Variants in PDXDC1 observed in about 807,000 individuals in gnomAD.
PDXDC1 encodes the protein pyridoxal-dependent decarboxylase domain-containing protein 1.
In PDXDC1, 42 loss-of-function variants were observed where a neutral mutation model predicts 100.1. The ratio of observed to expected loss-of-function variants is 0.42; its 90% CI spans 0.33 to 0.54. PDXDC1 has a LOEUF of 0.54. Among genes scored for constraint, PDXDC1 ranks in the 20% least tolerant of loss-of-function variants. The pLI, the probability that PDXDC1 is intolerant of heterozygous loss-of-function variation, is 0.10. For synonymous variants in PDXDC1, 260 were observed against 371.7 expected, an observed-to-expected ratio of 0.70 and a Z score of 3.46; for missense variants, 636 against 979.2, an observed-to-expected ratio of 0.65 and a Z score of 4.68.
At chr16:15,046,786 A>G (rs1265715553) in intron 16 of PDXDC1, among the ~76,000 whole-genome samples, 1 of 151,562 alleles carries the variant, frequency 6.6e-6, no homozygotes, top group Non-Finnish European at 1.5e-5. Flanking sequence ...GAGGTCGGAG[A>G]ATCACCTGAG....
chr16:15,128,077 G>C, intron 16 of PDXDC1: 2 of 1,609,088 alleles, frequency 1.2e-6, no homozygotes, highest in South Asian at 1.1e-5. Flanking sequence ...AGAAGGTGCT[G>C]TGTGCCGTCT....
intron 5 of PDXDC1, among the ~76,000 whole-genome samples, chr16:15,006,172 G>A (rs1290422429): frequency 1.3e-5 from 2 of 152,272 alleles, no homozygotes; most frequent in African/African-American, 4.8e-5. Context: ...TGCTCTTTAT[G>A]GAATTGGGTA....
At chr16:15,022,170 T>C (rs570548657) in intron 12 of PDXDC1, among the ~76,000 whole-genome samples, 18 of 152,402 alleles carry the variant, frequency 1.2e-4, no homozygotes, top group Admixed American at 3.3e-4. Context: ...AAGCACTTCC[T>C]GTATTGCATA....
intron 1 of PDXDC1, among the ~76,000 whole-genome samples, chr16:14,981,794 C>G (rs1168002227): frequency 6.6e-6 from 1 of 152,244 alleles, no homozygotes; most frequent in African/African-American, 2.4e-5. Flanking sequence ...TTTGCTGCCT[C>G]CTTTCCACTG....
rs1241301948 is a variant in PDXDC1, at chr16:15,034,321, C to T, written c.1848C>T (p.Gly616=). 1 of 1,613,378 alleles carries T rather than the reference C, an allele frequency of 6.2e-7. No homozygotes were observed. Among genetic ancestry groups the T allele is most frequent in the East Asian group, 2.2e-5 (1 of 44,888 alleles). Residue 616 remains glycine, a synonymous_variant, in exon 20 of 23, where the codon GGC becomes GGT. Transcript: ENST00000396410. Reference sequence around the variant, plus strand: ...ACATGACAGAAGTGGTTCGGAAAGGCATTCAGGAAGCTCAAGTGGAGCTGC... The same window carrying T: ...ACATGACAGAAGTGGTTCGGAAAGGTATTCAGGAAGCTCAAGTGGAGCTGC... ...LENMTEVVRK[G]IQEAQVELQK...
chr16:15,017,227 T>A, intron 10 of PDXDC1, 59 bp downstream of exon 10: 1 of 1,610,642 alleles, frequency 6.2e-7, no homozygotes, highest in Non-Finnish European at 8.5e-7. Flanking sequence ...AGTCACTCAG[T>A]CCCTCATGGC....
intron 16 of PDXDC1, 38 bp downstream of exon 16, chr16:15,030,094 T>G: frequency 8.5e-6 from 13 of 1,522,020 alleles, no homozygotes; most frequent in Non-Finnish European, 1.1e-5. Context: ...GCTTTTGTTC[T>G]GGGGCTGCTG....
the PDXDC1 span, among the ~76,000 whole-genome samples, chr16:15,144,933 A>G: frequency 6.6e-6 from 1 of 152,274 alleles, no homozygotes; most frequent in Non-Finnish European, 1.5e-5. Context: ...GGGGAGAATG[A>G]GGGCCGGCTC....
chr16:15,149,937 G>A, the PDXDC1 span, among the ~76,000 whole-genome samples: 2 of 152,168 alleles, frequency 1.3e-5, no homozygotes, highest in Non-Finnish European at 2.9e-5. Flanking sequence ...CACCACGGAG[G>A]AGACACCATG....
chr16:15,032,669 A>AAAAAAAAAAAAAAAAAT, intron 17 of PDXDC1, 192 bp from the exon 18 acceptor site: 3 of 448,486 alleles, frequency 6.7e-6, no homozygotes, highest in Non-Finnish European at 1.2e-5. Context: ...AAAAAAAAAA[A>AAAAAAAAAAAAAAAAAT]GGCTTTCCTG....
intron 1 of PDXDC1, among the ~76,000 whole-genome samples, chr16:14,984,217 C>G (rs1968695343): frequency 7.0e-6 from 1 of 143,150 alleles, no homozygotes; most frequent in South Asian, 2.4e-4. Context: ...ATTTCTGTCT[C>G]CCTGAAAATG....
chr16:15,098,147 G>T (rs1175706880), intron 16 of PDXDC1, among the ~76,000 whole-genome samples: 3 of 149,898 alleles, frequency 2.0e-5, no homozygotes, highest in Admixed American at 6.7e-5. Context: ...TTGGGTTGGA[G>T]GGGGCACCAA....
chr16:14,998,152 A>T (rs1972401939), intron 2 of PDXDC1, among the ~76,000 whole-genome samples, 188 bp from the exon 3 acceptor site: 1 of 152,268 alleles, frequency 6.6e-6, no homozygotes, highest in South Asian at 2.1e-4. Flanking sequence ...TTTTTGTTGC[A>T]TATTCTTGTC....
chr16:15,143,268 G>C (rs910506691), downstream of PDXDC1, among the ~76,000 whole-genome samples: 1 of 152,060 alleles, frequency 6.6e-6, no homozygotes, highest in Admixed American at 6.5e-5. Flanking sequence ...GCCACAGTAC[G>C]GGTCTTCACC....
chr16:15,142,380 C>G (rs149801178), downstream of PDXDC1, among the ~76,000 whole-genome samples: 3 of 152,126 alleles, frequency 2.0e-5, no homozygotes, highest in Admixed American at 2.0e-4. Flanking sequence ...CTCCTTCTCC[C>G]GGCCCTCACC....
At chr16:15,130,490 C>A (rs773911313) in intron 16 of PDXDC1, 1 of 1,381,972 alleles carries the variant, frequency 7.2e-7, no homozygotes, top group South Asian at 1.2e-5. Flanking sequence ...TGAGCCCAGG[C>A]TCCGCCAGGT....
At chr16:15,086,376 T>C (rs759708033) in intron 16 of PDXDC1, 4 of 1,613,762 alleles carry the variant, frequency 2.5e-6, no homozygotes, top group Non-Finnish European at 3.4e-6. Flanking sequence ...AATATAATAC[T>C]GATAAGTTGC....
chr16:15,016,724 C>T lies in PDXDC1; in HGVS notation c.813-396C>T, dbSNP rs61393009. ...GTTCTGCTGGAAGAAATGGAGATGG[C>T]GCCCTGGAAGGCTATTGTAGGGCCA... is the stretch of plus-strand genomic sequence containing the variant. On this transcript the variant is annotated intron_variant, in intron 9 of 22. Coordinates refer to ENST00000396410, the MANE Select transcript of PDXDC1 (RefSeq NM_015027.4). 4.6e-3 allele frequency among the ~76,000 whole-genome samples: 696 copies of T among 152,278 alleles called. No individual in the cohort carries two copies. In the East Asian group the frequency reaches 0.06, roughly 13 times the overall value.
chr16:15,085,718 A>G (rs754024565), intron 16 of PDXDC1: 1 of 1,612,584 alleles, frequency 6.2e-7, no homozygotes, highest in East Asian at 2.2e-5. Flanking sequence ...GAAAAAGAAA[A>G]TATGTTATTC....
Sources: gnomAD v4.1 joint callset for allele counts (sites outside exome capture counted in the v4.1 genomes callset) on GRCh38, gnomAD v4.1.1 for gene constraint, MANE v1.5 for transcripts, NCBI Gene and HGNC (gene_info 2026-07-23, HGNC 2026-07-21) for gene names.